LRCH2: variants seen among roughly 807,000 people sequenced by gnomAD.
LRCH2 encodes the protein leucine rich repeats and calponin homology domain containing 2, also known as leucine-rich repeat and calponin homology domain-containing protein 2.
Under a neutral mutation model 68.9 loss-of-function variants are expected in LRCH2, and 38 were observed. The ratio of observed to expected loss-of-function variants is 0.55; its 90% confidence interval spans 0.43 to 0.72. The LOEUF (loss-of-function observed/expected upper bound fraction) is 0.72, where lower values mean the gene tolerates loss of function less well. Ranked by LOEUF, LRCH2 falls within the 30% of genes least tolerant of loss-of-function variation. The probability of loss-of-function intolerance (pLI) is 0.00; values close to 1 mark genes in which losing one functional copy is unlikely to be tolerated. For missense variants in LRCH2, 528 were observed against 572.9 expected (o/e 0.92, Z 0.80); for synonymous variants, 191 against 208.1 (o/e 0.92, Z 0.71).
rs782358260 is a variant in LRCH2, at chrX:115,197,847, T to TCTCA, written c.350-9478_350-9477insTGAG. Among the ~76,000 whole-genome samples the TCTCA allele has an allele frequency of 5.4e-3, 111 of 20,563 alleles. 1 individual carries two copies. The highest frequency in any genetic ancestry group is 0.018 in the African/African-American group (91 of 5,181). The allele number at this position is 20,563 out of a possible 115,157, so 17.9% of individuals were successfully genotyped here. ...CTCTCTCTCTCTCTCTCTCTCTCTC[T>TCTCA]CACACACACACACACACACACACAC... On this transcript the variant is annotated intron_variant, in intron 1 of 20. Coordinates refer to ENST00000317135, the MANE Select transcript of LRCH2 (RefSeq NM_020871.4).
intron 12 of LRCH2, among the ~76,000 whole-genome samples, chrX:115,155,050 AAAAAAAAAAAAAGAG>A (rs1216757610): frequency 9.9e-6 from 1 of 100,728 alleles, no homozygotes; most frequent in Non-Finnish European, 2.0e-5. Flanking sequence ...AAAAAAAAAA[AAAAAAAAAAAAAGAG>A]AGAGAGAGAG....
chrX:115,131,084 T>G (rs2147353014), intron 14 of LRCH2, among the ~76,000 whole-genome samples: 1 of 111,326 alleles, frequency 9.0e-6, no homozygotes, highest in African/African-American at 3.3e-5. Context: ...ATTATTATTT[T>G]TACATTTGTA....
At chrX:115,144,924 T>A (rs1384854478) in intron 14 of LRCH2, among the ~76,000 whole-genome samples, 1 of 111,741 alleles carries the variant, frequency 8.9e-6, no homozygotes, top group Admixed American at 9.5e-5. Flanking sequence ...ATGGCATTCA[T>A]CACAGAAATA....
intron 14 of LRCH2, among the ~76,000 whole-genome samples, chrX:115,133,891 T>C (rs2072267013): frequency 8.9e-6 from 1 of 111,742 alleles, no homozygotes; most frequent in Non-Finnish European, 1.9e-5. Context: ...TCCCTTTAAA[T>C]AAAAAGCTTG....
intron 14 of LRCH2, among the ~76,000 whole-genome samples, chrX:115,134,694 T>C (rs1388298614): frequency 8.9e-6 from 1 of 112,171 alleles, no homozygotes; most frequent in African/African-American, 3.2e-5. Flanking sequence ...ATAATATTAC[T>C]GCTCATTTAC....
intron 14 of LRCH2, among the ~76,000 whole-genome samples, chrX:115,131,754 C>T (rs1192275766): frequency 8.9e-6 from 1 of 111,827 alleles, no homozygotes; most frequent in Non-Finnish European, 1.9e-5. Context: ...TCTCCACATC[C>T]TCTCCAGCAC....
At chrX:115,127,016 C>T in intron 15 of LRCH2, 123 bp from the exon 16 acceptor site, 1 of 395,516 alleles carries the variant, frequency 2.5e-6, no homozygotes, top group Non-Finnish European at 4.2e-6. Context: ...AAAGATATGC[C>T]ATCCAGCACA....
intron 11 of LRCH2, among the ~76,000 whole-genome samples, chrX:115,162,181 A>G (rs1556542157): frequency 9.0e-6 from 1 of 110,844 alleles, no homozygotes; most frequent in Non-Finnish European, 1.9e-5. Flanking sequence ...TCGGCCTCCC[A>G]AAGTACTGGG....
chrX:115,151,691 C>A (rs2072433088), intron 12 of LRCH2, among the ~76,000 whole-genome samples: 1 of 111,427 alleles, frequency 9.0e-6, no homozygotes, highest in African/African-American at 3.3e-5. Context: ...ACTGAAAAAA[C>A]TAAAAGAATG....
At chrX:115,132,930 G>C (rs1556530758) in intron 14 of LRCH2, among the ~76,000 whole-genome samples, 1 of 111,543 alleles carries the variant, frequency 9.0e-6, no homozygotes, top group African/African-American at 3.3e-5. Context: ...ACCAGATTCT[G>C]CTTGCTCAAA....
chrX:115,198,149 T>C (rs1005012258), intron 1 of LRCH2, among the ~76,000 whole-genome samples: 1 of 108,283 alleles, frequency 9.2e-6, no homozygotes, highest in African/African-American at 3.4e-5. Flanking sequence ...CATGTGCCAA[T>C]TGAGACTGCA....
chrX:115,163,607 TA>T, intron 11 of LRCH2, 68 bp downstream of exon 11: 2 of 768,505 alleles, frequency 2.6e-6, no homozygotes, highest in Non-Finnish European at 3.8e-6. Flanking sequence ...TATACTTTGA[TA>T]ATCTTTAAAT....
At position 115,146,922 on chromosome X, in the gene LRCH2, C is replaced by T. The variant is rs1388741165; in HGVS notation, c.1695+2905G>A. Among the ~76,000 whole-genome samples, 6 of 103,655 alleles carry T rather than the reference C, an allele frequency of 5.8e-5. No individual in the cohort carries two copies. The East Asian group carries it at 1.5e-3, about 26-fold the overall frequency. The allele number at this position is 103,655 out of a possible 115,157, so 90.0% of individuals were successfully genotyped here. ...TTACATACATACACACACACACACA[C>T]ACACACACACACACACACACACACA... On this transcript the variant is annotated intron_variant, in intron 14 of 20. Coordinates refer to ENST00000317135, the MANE Select transcript of LRCH2 (RefSeq NM_020871.4).
intron 1 of LRCH2, among the ~76,000 whole-genome samples, chrX:115,209,720 A>G (rs1556569397): frequency 8.9e-6 from 1 of 112,147 alleles, no homozygotes; most frequent in East Asian, 2.8e-4. Context: ...AGGCAGGAAA[A>G]TGTGGGAAAG....
intron 1 of LRCH2, among the ~76,000 whole-genome samples, chrX:115,211,768 C>A (rs782591634): frequency 1.8e-5 from 2 of 111,248 alleles, no homozygotes; most frequent in African/African-American, 3.3e-5. Context: ...CACACCCCCC[C>A]AAGATTGCTT....
Position 115,190,367 on chromosome X carries a change from G to T in LRCH2, c.350-1997C>A, listed in dbSNP as rs781927946. Reference sequence around the variant, plus strand: ...CGAGAGCCCCTCAAGAGCTACGGAGGCCCATGCGGCGCTGCCCCTGTGTGG... The same window carrying T: ...CGAGAGCCCCTCAAGAGCTACGGAGTCCCATGCGGCGCTGCCCCTGTGTGG... On this transcript the variant is annotated intron_variant, in intron 1 of 20. Transcript: ENST00000317135. 7.9e-5 allele frequency: 92 copies of T among 1,160,471 alleles called. No homozygotes were observed. In the Middle Eastern group the frequency reaches 1.2e-3, roughly 15 times the overall value.
intron 1 of LRCH2, among the ~76,000 whole-genome samples, chrX:115,216,030 A>C (rs1388264310): frequency 1.8e-5 from 2 of 111,533 alleles, no homozygotes; most frequent in African/African-American, 6.5e-5. Context: ...AAATATGCAT[A>C]TTTCAGGATT....
chrX:115,159,182 T>C (rs370371875), intron 11 of LRCH2, among the ~76,000 whole-genome samples: 1 of 111,351 alleles, frequency 9.0e-6, no homozygotes. Flanking sequence ...AATTTTTAAG[T>C]ATACAATACT....
At chrX:115,141,049 G>A (rs189383760) in intron 14 of LRCH2, among the ~76,000 whole-genome samples, 418 of 107,449 alleles carry the variant, frequency 3.9e-3, no homozygotes, top group African/African-American at 0.013. Flanking sequence ...TGGCTAACAC[G>A]GTGAAACCCC....
Sources: allele counts gnomAD v4.1 joint callset (sites outside exome capture counted in the v4.1 genomes callset), GRCh38; gene constraint gnomAD v4.1.1; transcripts MANE v1.5; gene names NCBI Gene and HGNC (gene_info 2026-07-23, HGNC 2026-07-21).